The following CDKN2B-AS1 variants were observed in gnomAD, a reference collection of about 807,000 sequenced individuals.
CDKN2B-AS1 encodes CDKN2B and CDKN2A antisense cis and trans regulatory RNA 1.
intron 4 of CDKN2B-AS1, among the ~76,000 whole-genome samples, chr9:22,069,292 G>T (rs913641665): frequency 4.6e-5 from 7 of 152,082 alleles, no homozygotes; most frequent in Non-Finnish European, 1.0e-4. Context: ...GGTAATGGAG[G>T]AGTAGCAGGA....
At chr9:22,080,267 G>A (rs764871740) in intron 4 of CDKN2B-AS1, among the ~76,000 whole-genome samples, 35 of 152,312 alleles carry the variant, frequency 2.3e-4, no homozygotes, top group Admixed American at 1.1e-3. Flanking sequence ...TGGCTCCCTG[G>A]AGTAAAATGG....
intron 2 of CDKN2B-AS1, among the ~76,000 whole-genome samples, chr9:22,047,962 ATTT>A (rs34728798): frequency 1.9e-4 from 27 of 145,636 alleles, no homozygotes; most frequent in South Asian, 2.1e-4. Context: ...TAATTTTTGT[ATTT>A]TTTTTTTTTT....
chr9:22,052,743 T>C (rs1223858851), intron 3 of CDKN2B-AS1, among the ~76,000 whole-genome samples: 1 of 152,228 alleles, frequency 6.6e-6, no homozygotes, highest in Non-Finnish European at 1.5e-5. Context: ...TTTTCTCATC[T>C]CCTTTGTTGG....
At chr9:22,098,209 A>G (rs1825353342) in intron 4 of CDKN2B-AS1, among the ~76,000 whole-genome samples, 2 of 151,072 alleles carry the variant, frequency 1.3e-5, no homozygotes, top group African/African-American at 4.9e-5. Flanking sequence ...GTGTATTTAT[A>G]TTATATATGT....
At chr9:22,094,729 G>T (rs148145981) in intron 4 of CDKN2B-AS1, among the ~76,000 whole-genome samples, 2,140 of 143,672 alleles carry the variant, frequency 0.015, 504 homozygotes, top group African/African-American at 0.06. Context: ...TTTTTTTCAA[G>T]GTTTTTAACT....
chr9:22,021,806 T>G (rs1822029795), intron 1 of CDKN2B-AS1, among the ~76,000 whole-genome samples: 1 of 152,134 alleles, frequency 6.6e-6, no homozygotes, highest in South Asian at 2.1e-4. Context: ...TGATTGCCCT[T>G]GCCAGAATAT....
At chr9:22,016,755 C>T (rs1821781787) in intron 1 of CDKN2B-AS1, among the ~76,000 whole-genome samples, 1 of 152,150 alleles carries the variant, frequency 6.6e-6, no homozygotes, top group Non-Finnish European at 1.5e-5. Context: ...ATGTAGAAAG[C>T]TGAAACTGGA....
At chr9:22,078,940 A>G (rs1333761375) in intron 4 of CDKN2B-AS1, among the ~76,000 whole-genome samples, 1 of 152,186 alleles carries the variant, frequency 6.6e-6, no homozygotes, top group African/African-American at 2.4e-5. Flanking sequence ...AACGGCACTC[A>G]CTTTTACTGA....
At chr9:22,098,247 T>G (rs1825356825) in intron 4 of CDKN2B-AS1, among the ~76,000 whole-genome samples, 1 of 151,482 alleles carries the variant, frequency 6.6e-6, no homozygotes, top group African/African-American at 2.4e-5. Context: ...TGTGTATACA[T>G]TTATATGTGT....
intron 1 of CDKN2B-AS1, among the ~76,000 whole-genome samples, chr9:22,032,442 T>C (rs1427107448): frequency 6.6e-6 from 1 of 152,168 alleles, no homozygotes; most frequent in Non-Finnish European, 1.5e-5. Flanking sequence ...CAAAATGTCA[T>C]TATTTATACT....
At chr9:22,109,481 C>A (rs892628141) in intron 4 of CDKN2B-AS1, among the ~76,000 whole-genome samples, 1 of 152,138 alleles carries the variant, frequency 6.6e-6, no homozygotes, top group East Asian at 1.9e-4. Context: ...AACCCTAATA[C>A]GTTTCCTGCG....
At chr9:22,059,530 C>A (rs1823722270) in intron 4 of CDKN2B-AS1, among the ~76,000 whole-genome samples, 1 of 152,174 alleles carries the variant, frequency 6.6e-6, no homozygotes, top group Non-Finnish European at 1.5e-5. Context: ...CTCCAATCTG[C>A]TTTCACCGGC....
At position 22,053,389 on chromosome 9, in the gene CDKN2B-AS1, G is replaced by T. The variant is rs2131285330; in HGVS notation, n.303-2863G>T. ...GGGGGCAACATTGTGCAAGTCAGAA[G>T]AGGGGATGAAGAAAATCATAAAGCT... is the stretch of plus-strand genomic sequence containing the variant. On this transcript the variant is annotated intron_variant and non_coding_transcript_variant, in intron 3 of 4. Coordinates refer to ENST00000650946, the Ensembl canonical transcript of CDKN2B-AS1. Among the ~76,000 whole-genome samples the T allele has an allele frequency of 1.3e-5, 2 of 152,326 alleles. 1 individual carries two copies. Among genetic ancestry groups the T allele is most frequent in the East Asian group, 3.9e-4 (2 of 5,188 alleles).
At chr9:22,033,047 T>G (rs1436506119) in intron 1 of CDKN2B-AS1, 3 of 152,074 alleles carry the variant, frequency 2.0e-5, no homozygotes, top group African/African-American at 7.2e-5. Flanking sequence ...CATTAGATTC[T>G]CATAGGAGCA....
intron 4 of CDKN2B-AS1, among the ~76,000 whole-genome samples, chr9:22,083,210 C>T (rs62555368): frequency 0.013 from 1,948 of 152,278 alleles, 17 homozygotes; most frequent in Non-Finnish European, 0.02. Context: ...CTAACTTGCT[C>T]AAGGCTATAG....
intron 4 of CDKN2B-AS1, among the ~76,000 whole-genome samples, chr9:22,090,527 G>GCA (rs1158291612): frequency 6.6e-6 from 1 of 152,138 alleles, no homozygotes; most frequent in Non-Finnish European, 1.5e-5. Context: ...ATTCTGACTG[G>GCA]TGTCAGATGG....
intron 1 of CDKN2B-AS1, among the ~76,000 whole-genome samples, chr9:22,010,838 A>G (rs1400878958): frequency 1.3e-5 from 2 of 152,240 alleles, no homozygotes; most frequent in Admixed American, 1.3e-4. Flanking sequence ...TTAGGACAAG[A>G]TAGTCTGACC....
chr9:22,125,757 C>A (rs1047492496), intron 4 of CDKN2B-AS1, among the ~76,000 whole-genome samples: 1 of 151,902 alleles, frequency 6.6e-6, no homozygotes, highest in African/African-American at 2.4e-5. Context: ...TGTGGTATTG[C>A]GCTAGAAAAA....
At chr9:22,015,646 T>C (rs552295362) in intron 1 of CDKN2B-AS1, among the ~76,000 whole-genome samples, 3 of 152,068 alleles carry the variant, frequency 2.0e-5, no homozygotes, top group Admixed American at 1.3e-4. Context: ...TTTTTCTTTA[T>C]TATTATTATA....
Sources: allele counts gnomAD v4.1 joint callset (sites outside exome capture counted in the v4.1 genomes callset), GRCh38; gene constraint gnomAD v4.1.1; transcripts MANE v1.5; gene names NCBI Gene and HGNC (gene_info 2026-07-23, HGNC 2026-07-21).